ROBO2: variants seen among roughly 807,000 people sequenced by gnomAD.
The protein encoded by ROBO2 is roundabout guidance receptor 2.
Under a neutral mutation model 160.8 loss-of-function variants are expected in ROBO2, and 53 were observed. The ratio of observed to expected loss-of-function variants is 0.33; its 90% CI spans 0.26 to 0.41. The LOEUF (loss-of-function observed/expected upper bound fraction) is 0.41, where lower values mean the gene tolerates loss of function less well. Among genes scored for constraint, ROBO2 ranks in the 10% least tolerant of loss-of-function variants. The pLI is 1.00. For synonymous variants in ROBO2, 664 were observed against 611.7 expected, an observed-to-expected ratio of 1.09 and a Z score of -1.26; for missense variants, 1,577 against 1,722.4, an observed-to-expected ratio of 0.92 and a Z score of 1.49.
intron 2 of ROBO2, among the ~76,000 whole-genome samples, chr3:76,905,719 T>A (rs1239713024): frequency 2.6e-5 from 4 of 152,184 alleles, no homozygotes; most frequent in African/African-American, 7.2e-5. Flanking sequence ...GAGAATCTTT[T>A]GTTGTAGTTT....
intron 2 of ROBO2, among the ~76,000 whole-genome samples, chr3:75,940,397 G>A (rs1947998157): frequency 6.6e-6 from 1 of 152,132 alleles, no homozygotes; most frequent in Non-Finnish European, 1.5e-5. Context: ...GGGATGAATG[G>A]TGGGTTGGAA....
chr3:76,153,214 TC>T (rs2072275707), intron 2 of ROBO2, among the ~76,000 whole-genome samples: 1 of 152,158 alleles, frequency 6.6e-6, no homozygotes, highest in African/African-American at 2.4e-5. Flanking sequence ...GAAACATTTT[TC>T]TTTACAGTGT....
intron 2 of ROBO2, among the ~76,000 whole-genome samples, chr3:76,417,844 T>C (rs889965092): frequency 6.6e-6 from 1 of 152,134 alleles, no homozygotes; most frequent in African/African-American, 2.4e-5. Flanking sequence ...AATAATTTTC[T>C]GCAAGGATGT....
intron 2 of ROBO2, among the ~76,000 whole-genome samples, chr3:76,942,610 C>T: frequency 6.6e-6 from 1 of 152,188 alleles, no homozygotes. Flanking sequence ...GCTATATACA[C>T]TCATATCCTT....
At chr3:76,312,754 C>T (rs1218519654) in intron 2 of ROBO2, among the ~76,000 whole-genome samples, 1 of 152,168 alleles carries the variant, frequency 6.6e-6, no homozygotes, top group Non-Finnish European at 1.5e-5. Flanking sequence ...TGGTCAGTAC[C>T]TATAGCATGT....
chr3:76,992,769 G>A (rs2060761297), intron 2 of ROBO2, among the ~76,000 whole-genome samples: 1 of 151,952 alleles, frequency 6.6e-6, no homozygotes, highest in Non-Finnish European at 1.5e-5. Context: ...CAGTTTTTGA[G>A]ACCCATTTTC....
chr3:76,105,131 G>T (rs2069864107), intron 2 of ROBO2, among the ~76,000 whole-genome samples: 1 of 151,092 alleles, frequency 6.6e-6, no homozygotes. Flanking sequence ...CTTTTAATGG[G>T]AAAAATTTCA....
At chr3:76,728,674 A>G (rs1020347165) in intron 2 of ROBO2, among the ~76,000 whole-genome samples, 1 of 152,192 alleles carries the variant, frequency 6.6e-6, no homozygotes, top group Non-Finnish European at 1.5e-5. Flanking sequence ...TTTACAGTCA[A>G]CCATTGTCTA....
intron 2 of ROBO2, among the ~76,000 whole-genome samples, chr3:77,370,492 C>T (rs2071581407): frequency 6.6e-6 from 1 of 152,144 alleles, no homozygotes; most frequent in African/African-American, 2.4e-5. Flanking sequence ...CAGCTTTTTG[C>T]TGCCTCCTTC....
intron 20 of ROBO2, among the ~76,000 whole-genome samples, chr3:77,604,715 T>C: frequency 6.6e-6 from 1 of 152,266 alleles, no homozygotes; most frequent in South Asian, 2.1e-4. Flanking sequence ...GTCTTATGCT[T>C]ATAATCATAG....
chr3:76,835,165 T>C (rs940798654), intron 2 of ROBO2, among the ~76,000 whole-genome samples: 1 of 151,900 alleles, frequency 6.6e-6, no homozygotes, highest in Non-Finnish European at 1.5e-5. Context: ...AATGTGTCTC[T>C]TCTCATCTTT....
chr3:77,463,154 A>C (rs1029942984), intron 2 of ROBO2, among the ~76,000 whole-genome samples: 3 of 152,184 alleles, frequency 2.0e-5, no homozygotes, highest in Admixed American at 6.5e-5. Context: ...TGTGCAGTAC[A>C]TACTTGAATT....
chr3:76,447,342 A>T (rs1022653211), intron 2 of ROBO2, among the ~76,000 whole-genome samples: 13 of 152,088 alleles, frequency 8.5e-5, no homozygotes, highest in Non-Finnish European at 1.9e-4. Context: ...CCACAATGAG[A>T]TACCATCTCA....
intron 2 of ROBO2, among the ~76,000 whole-genome samples, chr3:77,032,112 A>G (rs2063361287): frequency 6.6e-6 from 1 of 152,130 alleles, no homozygotes; most frequent in African/African-American, 2.4e-5. Context: ...TAATACTATC[A>G]CACTGGGGGT....
intron 2 of ROBO2, among the ~76,000 whole-genome samples, chr3:76,630,712 G>T (rs892982829): frequency 5.3e-5 from 8 of 152,126 alleles, no homozygotes; most frequent in African/African-American, 2.4e-5. Flanking sequence ...TGAAGTGCTT[G>T]TTAAAAATGA....
intron 2 of ROBO2, among the ~76,000 whole-genome samples, chr3:76,073,631 G>A (rs991623626): frequency 3.3e-5 from 5 of 152,032 alleles, no homozygotes; most frequent in Non-Finnish European, 7.4e-5. Flanking sequence ...AGAAAATTAA[G>A]CACAATATAA....
intron 2 of ROBO2, among the ~76,000 whole-genome samples, chr3:77,206,457 G>A (rs1299381056): frequency 2.0e-5 from 3 of 151,926 alleles, no homozygotes; most frequent in Non-Finnish European, 4.4e-5. Flanking sequence ...GTGAGCCACC[G>A]TGCCCAGACC....
At chr3:76,839,884 A>T (rs2068060440) in intron 2 of ROBO2, among the ~76,000 whole-genome samples, 1 of 152,124 alleles carries the variant, frequency 6.6e-6, no homozygotes, top group African/African-American at 2.4e-5. Context: ...TTCTTCATGG[A>T]TAAATCTTGG....
intron 5 of ROBO2, among the ~76,000 whole-genome samples, chr3:77,522,250 A>C (rs1209463340): frequency 1.3e-5 from 2 of 151,332 alleles, no homozygotes; most frequent in South Asian, 4.2e-4. Flanking sequence ...TTCAGGAGTT[A>C]ATATTCCTTA....
Sources: gnomAD v4.1 joint callset for allele counts (sites outside exome capture counted in the v4.1 genomes callset) on GRCh38, gnomAD v4.1.1 for gene constraint, MANE v1.5 for transcripts, NCBI Gene and HGNC (gene_info 2026-07-23, HGNC 2026-07-21) for gene names.